The following SPDYE4 variants were observed in gnomAD, a reference collection of about 807,000 sequenced individuals.
SPDYE4 encodes speedy protein E4.
In SPDYE4, 30 loss-of-function variants were observed where a neutral mutation model predicts 37.5. That is an observed-to-expected ratio of 0.80 (90% CI 0.60 to 1.09). SPDYE4 has a LOEUF of 1.09. Ranked by LOEUF, SPDYE4 falls within the 50% of genes least tolerant of loss-of-function variation. The pLI is 0.00. For synonymous variants in SPDYE4, 131 were observed against 120.3 expected (o/e 1.09, Z -0.58); for missense variants, 300 against 307.9 (o/e 0.97, Z 0.19).
Position 8,755,228 on chromosome 17 carries a change from G to A in SPDYE4, c.485+292C>T, listed in dbSNP as rs531657513. On this transcript the variant is annotated intron_variant, in intron 4 of 6. Transcript: ENST00000689094. ...GTGTTGATATGGGAAGGAGAGAGAC[G>A]AGAGAACCAGAAATGGCTGCTTGCT... Among the ~76,000 whole-genome samples the A allele has an allele frequency of 5.9e-5, 9 of 152,326 alleles. No individual in the cohort carries two copies. In the East Asian group the frequency reaches 1.2e-3, roughly 20 times the overall value.
chr17:8,753,281 A>AAACC, intron 5 of SPDYE4, 40 bp downstream of exon 5: 2 of 388,126 alleles, frequency 5.2e-6, no homozygotes, highest in Non-Finnish European at 7.4e-6. Context: ...AGTCCACCCC[A>AAACC]TCCCTCCCCA....
At chr17:8,757,124 T>G in intron 2 of SPDYE4, 138 bp downstream of exon 2, 1 of 772,094 alleles carries the variant, frequency 1.3e-6, no homozygotes, top group South Asian at 1.8e-5. Context: ...ATCCTCTATC[T>G]CCTAAGCATC....
downstream of SPDYE4, among the ~76,000 whole-genome samples, chr17:8,750,770 G>A (rs529796010): frequency 4.9e-4 from 74 of 152,288 alleles, 1 homozygote; most frequent in African/African-American, 1.6e-3. Context: ...TAATAGATTT[G>A]TTCAAATAAC....
chr17:8,748,648 G>A (rs1004483788), downstream of SPDYE4, among the ~76,000 whole-genome samples: 3 of 152,212 alleles, frequency 2.0e-5, no homozygotes, highest in East Asian at 5.8e-4. Context: ...CAGTCTGATA[G>A]GTGAAGTTAC....
At chr17:8,749,153 G>A (rs895444290), downstream of SPDYE4, among the ~76,000 whole-genome samples, 12 of 151,664 alleles carry the variant, frequency 7.9e-5, no homozygotes, top group Admixed American at 7.9e-4. Context: ...GAGTGCAGTG[G>A]TATGATCACG....
chr17:8,753,897 G>T (rs892153638), intron 4 of SPDYE4, among the ~76,000 whole-genome samples: 4 of 152,048 alleles, frequency 2.6e-5, no homozygotes, highest in African/African-American at 9.7e-5. Flanking sequence ...CCTCATCCTA[G>T]TCCCCATCCC....
In SPDYE4 at chr17:8,755,371, T is replaced by A. The variant is rs2086763072; in HGVS notation, c.485+149A>T. On this transcript the variant is annotated intron_variant, in intron 4 of 6. Transcript: ENST00000689094. ...GTGTTTGTTTTTAGAAAGAACAGAC[T>A]AAGAACACCATAGTATAATCTTATC... is the stretch of plus-strand genomic sequence containing the variant. 5 of 1,012,252 alleles carry A rather than the reference T, an allele frequency of 4.9e-6. No homozygotes were observed. In the South Asian group the frequency reaches 8.9e-5, roughly 18 times the overall value. 62.7% of individuals were successfully genotyped at this position (1,012,252 alleles called of 1,614,324 possible).
At chr17:8,758,144 T>A (rs1009153882) in intron 1 of SPDYE4, 130 bp downstream of exon 1, 11 of 757,812 alleles carry the variant, frequency 1.5e-5, no homozygotes, top group East Asian at 8.4e-5. Flanking sequence ...CCTTCCCCGA[T>A]CCCTGGCTTC....
chr17:8,758,461 G>C lies in SPDYE4; in HGVS notation c.-79C>G. 6.8e-6 allele frequency: 9 copies of C among 1,328,536 alleles called. No homozygotes were observed. The highest frequency in any genetic ancestry group is 9.5e-6 in the Non-Finnish European group (9 of 945,852). The allele number at this position is 1,328,536 out of a possible 1,614,324, so 82.3% of individuals were successfully genotyped here. ...CAAAGCCTTCTTCCAGACTCCGTTA[G>C]GACCCAGAAGAGTGCGTTTCTCTTC... is the stretch of plus-strand genomic sequence containing the variant. On this transcript the variant is annotated 5_prime_UTR_variant, in exon 1 of 7. Transcript: ENST00000689094.
chr17:8,755,755 G>C, intron 3 of SPDYE4, 150 bp from the exon 4 acceptor site: 1 of 1,053,490 alleles, frequency 9.5e-7, no homozygotes. Context: ...GGGGGCTTGC[G>C]GGTGGAGAGT....
chr17:8,753,244 C>T, intron 5 of SPDYE4, 47 bp from the exon 6 acceptor site: 4 of 1,613,222 alleles, frequency 2.5e-6, no homozygotes, highest in Non-Finnish European at 3.4e-6. Context: ...CCCCAGGAAG[C>T]CCCCTCTCTG....
intron 5 of SPDYE4, 45 bp downstream of exon 5, chr17:8,753,276 A>AAC: frequency 8.2e-7 from 1 of 1,214,458 alleles, no homozygotes; most frequent in Non-Finnish European, 1.2e-6. Context: ...CCTCCAGTCC[A>AAC]CCCCATCCCT....
At chr17:8,757,533 T>C (rs895127926) in intron 1 of SPDYE4, 41 bp from the exon 2 acceptor site, 2 of 1,596,248 alleles carry the variant, frequency 1.3e-6, no homozygotes, top group African/African-American at 1.3e-5. Context: ...GTTTCTGCCA[T>C]TGATCACCTT....
At chr17:8,756,350 A>T in intron 3 of SPDYE4, 28 bp downstream of exon 3, 1 of 1,601,518 alleles carries the variant, frequency 6.2e-7, no homozygotes, top group Non-Finnish European at 8.5e-7. Flanking sequence ...TTAAAGCAGG[A>T]ACACAGTTGA....
Position 8,753,374 on chromosome 17 carries a change from G to T in SPDYE4, c.601C>A (p.Leu201Ile). 6.3e-7 allele frequency: 1 copy of T among 1,589,570 alleles called. No homozygotes were observed. The highest frequency in any genetic ancestry group is 1.1e-5 in the South Asian group (1 of 88,084). The change falls in exon 5 of 7, where the codon CTC becomes ATC. Residue 201 changes from leucine (L) to isoleucine (I), a missense_variant. Transcript: ENST00000689094. ...RPLFHKLRYQ[L>I]LCSMRWRTWV... ...GTCCTCCAGCGCATGGAACAGAGGA[G>T]CTGGTATCGAAGCTTATGGAACAAG...
At chr17:8,750,848 C>A (rs902922258), downstream of SPDYE4, among the ~76,000 whole-genome samples, 3 of 152,204 alleles carry the variant, frequency 2.0e-5, no homozygotes, top group African/African-American at 7.2e-5. Flanking sequence ...TGGTCACAGT[C>A]GTTGTGAAGA....
chr17:8,756,387 C>G lies in SPDYE4; in HGVS notation c.390G>C (p.Val130=), dbSNP rs746347115. Residue 130 remains valine (V), a synonymous_variant, in exon 3 of 7, where the codon GTG becomes GTC. Transcript: ENST00000689094. The part of the protein sequence containing the change: ...KFLAWDKDLR[V]SDKYLLAMVI... ...TGGAGAACAACCTTACCTTGTCTGACACCCTCAGGTCTTTGTCCCAGGCCA... is the reference window on the plus strand; with the variant it reads ...TGGAGAACAACCTTACCTTGTCTGAGACCCTCAGGTCTTTGTCCCAGGCCA... 1 of 1,614,000 alleles carries G rather than the reference C, an allele frequency of 6.2e-7. No individual in the cohort carries two copies. Among genetic ancestry groups the G allele is most frequent in the Non-Finnish European group, 8.5e-7 (1 of 1,179,908 alleles).
chr17:8,749,555 C>T (rs575341976), downstream of SPDYE4, among the ~76,000 whole-genome samples: 149 of 151,988 alleles, frequency 9.8e-4, 2 homozygotes, highest in African/African-American at 3.0e-3. Context: ...CTTGAGCCAC[C>T]GTGCCAGGCC....
rs542181507 is a variant in SPDYE4, at chr17:8,752,093, G to A, written c.*189C>T. Among the ~76,000 whole-genome samples the A allele has an allele frequency of 5.7e-4, 86 of 152,154 alleles. No individual in the cohort carries two copies. Among genetic ancestry groups the A allele is most frequent in the Non-Finnish European group, 1.9e-4 (13 of 68,010 alleles). ...CCATGGCTCCTAGGAGGAAAACCTG[G>A]TCAATCTATTTTGCCCCTTCTAGAA... On this transcript the variant is annotated 3_prime_UTR_variant, in exon 7 of 7. Coordinates refer to ENST00000689094, the MANE Select transcript of SPDYE4 (RefSeq NM_001394956.1).
Sources: gnomAD v4.1 joint callset for allele counts (sites outside exome capture counted in the v4.1 genomes callset) on GRCh38, gnomAD v4.1.1 for gene constraint, MANE v1.5 for transcripts, NCBI Gene and HGNC (gene_info 2026-07-23, HGNC 2026-07-21) for gene names.